Variants in DHX36 observed in about 807,000 individuals in gnomAD.
DHX36 encodes DEAH-box helicase 36.
In DHX36, 50 loss-of-function variants were observed where a neutral mutation model predicts 139.0. That is an observed-to-expected ratio of 0.36 (90% CI 0.29 to 0.46). The LOEUF (loss-of-function observed/expected upper bound fraction) is 0.46, where lower values mean the gene tolerates loss of function less well. Ranked by LOEUF, DHX36 falls within the 20% of genes least tolerant of loss-of-function variation. The probability of loss-of-function intolerance (pLI) is 1.00; values close to 1 mark genes in which losing one functional copy is unlikely to be tolerated. For synonymous variants in DHX36, 425 were observed against 401.9 expected (o/e 1.06, Z -0.69); for missense variants, 1,024 against 1,211.3 (o/e 0.85, Z 2.29).
chr3:154,277,011 A>T, intron 23 of DHX36, 112 bp from the exon 24 acceptor site: 1 of 897,876 alleles, frequency 1.1e-6, no homozygotes. Context: ...CTAAAATATT[A>T]ACCTTCTATT....
At chr3:154,290,545 A>C (rs1711749298) in intron 15 of DHX36, among the ~76,000 whole-genome samples, 1 of 149,348 alleles carries the variant, frequency 6.7e-6, no homozygotes, top group African/African-American at 2.5e-5. Context: ...CTGAGGCAGG[A>C]GGATCACTTG....
chr3:154,312,163 C>T (rs1374143457), intron 3 of DHX36: 2 of 152,064 alleles, frequency 1.3e-5, no homozygotes, highest in African/African-American at 4.8e-5. Context: ...TCTGGTACTG[C>T]CATTTTAGAG....
intron 18 of DHX36, 29 bp downstream of exon 18, chr3:154,284,785 T>C: frequency 6.2e-7 from 1 of 1,610,202 alleles, no homozygotes. Flanking sequence ...ACATCTAAAA[T>C]AACTCGGTTT....
At chr3:154,302,509 A>T (rs953926460) in intron 9 of DHX36, among the ~76,000 whole-genome samples, 2 of 152,208 alleles carry the variant, frequency 1.3e-5, no homozygotes, top group African/African-American at 2.4e-5. Flanking sequence ...GTACTAGAAT[A>T]CTATTGAGCA....
Position 154,295,358 on chromosome 3 carries a change from T to A in DHX36, c.1550-19A>T. On this transcript the variant is annotated intron_variant, in intron 12 of 24. Coordinates refer to ENST00000496811, the MANE Select transcript of DHX36 (RefSeq NM_020865.3). The stretch of plus-strand genomic sequence containing the variant: ...AATTTATCTGAAAATTAAAGAGAAT[T>A]AAATTTTAAGATAAAGAGTTGCAGA... 7.3e-7 allele frequency: 1 copy of A among 1,377,312 alleles called. No homozygotes were observed. Among genetic ancestry groups the A allele is most frequent in the Non-Finnish European group, 1.0e-6 (1 of 1,001,706 alleles). 85.3% of individuals were successfully genotyped at this position (1,377,312 alleles called of 1,614,324 possible).
intron 11 of DHX36, among the ~76,000 whole-genome samples, chr3:154,300,293 C>T (rs56271381): frequency 0.011 from 1,724 of 152,240 alleles, 30 homozygotes; most frequent in African/African-American, 0.04. Context: ...GTCTCGAACT[C>T]CTGGCCTCAA....
rs1260348335 is a variant in DHX36, at chr3:154,276,186, A to G, written c.3012T>C (p.Asp1004=). 6.2e-7 allele frequency: 1 copy of G among 1,612,196 alleles called. No homozygotes were observed. The highest frequency in any genetic ancestry group is 1.7e-5 in the Admixed American group (1 of 59,638). Residue 1004 remains aspartate (D), a synonymous_variant, in exon 25 of 25, where the codon GAT becomes GAC. Transcript: ENST00000496811. Reference sequence around the variant, plus strand: ...TGAAAAGCTGTCAGCTGTAATATCCATCCTGGAATCGTGGCGGAAAGTTCC... The same window carrying G: ...TGAAAAGCTGTCAGCTGTAATATCCGTCCTGGAATCGTGGCGGAAAGTTCC... ...TPRNFPPRFQ[D]GYYS
chr3:154,309,681 G>A lies in DHX36; in HGVS notation c.785C>T (p.Thr262Ile). Reference protein sequence around the residue: ...GKGSACRIVCTQPRRISAISV... With the variant: ...GKGSACRIVCIQPRRISAISV... ...AATGGCACTAATTCTTCTTGGCTGA[G>A]TACAAACTATTCTGCAAGCAGATCC... Residue 262 changes from threonine to isoleucine, a missense_variant, in exon 5 of 25, where the codon ACT becomes ATT. Thr to Ile is a moderately conservative substitution (Grantham distance 89). Coordinates refer to ENST00000496811, the MANE Select transcript of DHX36 (RefSeq NM_020865.3). The A allele has an allele frequency of 6.2e-7, 1 of 1,610,452 alleles. No individual in the cohort carries two copies. The highest frequency in any genetic ancestry group is 8.5e-7 in the Non-Finnish European group (1 of 1,179,004).
At chr3:154,317,837 A>C (rs355776) in intron 1 of DHX36, among the ~76,000 whole-genome samples, 1 of 141,708 alleles carries the variant, frequency 7.1e-6, no homozygotes, top group Admixed American at 7.4e-5. Flanking sequence ...TCAATTGTTT[A>C]TTTTTTATAG....
chr3:154,299,982 G>C lies in DHX36; in HGVS notation c.1462-57C>G, dbSNP rs994639837. 6 of 1,152,830 alleles carry C rather than the reference G, an allele frequency of 5.2e-6. No individual in the cohort carries two copies. In the Admixed American group the frequency reaches 1.0e-4, roughly 20 times the overall value. 71.4% of individuals were successfully genotyped at this position (1,152,830 alleles called of 1,614,324 possible). On this transcript the variant is annotated intron_variant, in intron 11 of 24. Coordinates refer to ENST00000496811, the MANE Select transcript of DHX36 (RefSeq NM_020865.3). The stretch of plus-strand genomic sequence containing the variant: ...ATCACATCAACAAAATGCAGTAACA[G>C]TAAAATTGTGTGCACACTGAAGTCT...
chr3:154,301,242 T>A, intron 9 of DHX36, 115 bp from the exon 10 acceptor site: 1 of 1,056,574 alleles, frequency 9.5e-7, no homozygotes, highest in Non-Finnish European at 1.3e-6. Context: ...ACATTTTCAT[T>A]ATGCTTTCAA....
At chr3:154,301,585 C>T (rs914396973) in intron 9 of DHX36, among the ~76,000 whole-genome samples, 3 of 152,052 alleles carry the variant, frequency 2.0e-5, no homozygotes, top group Non-Finnish European at 4.4e-5. Context: ...TAATTAGTGC[C>T]TGCAGGAGAT....
chr3:154,321,283 CT>C (rs1713176041), intron 1 of DHX36, among the ~76,000 whole-genome samples: 1 of 152,222 alleles, frequency 6.6e-6, no homozygotes, highest in Non-Finnish European at 1.5e-5. Flanking sequence ...ATGTTCTTAT[CT>C]TTTACAGTTT....
Position 154,314,937 on chromosome 3 carries a change from T to G in DHX36, c.603+109A>C. On this transcript the variant is annotated intron_variant, in intron 3 of 24. Coordinates refer to ENST00000496811, the MANE Select transcript of DHX36 (RefSeq NM_020865.3). ...GAAATTAATTCCCACAGGGATGTCT[T>G]GTTGAGGATCTCACTGATCTATGCC... 3 of 729,448 alleles carry G rather than the reference T, an allele frequency of 4.1e-6. No homozygotes were observed. The East Asian group carries it at 8.1e-5, about 20-fold the overall frequency. 45.2% of individuals were successfully genotyped at this position (729,448 alleles called of 1,614,324 possible).
intron 5 of DHX36, among the ~76,000 whole-genome samples, chr3:154,307,916 T>C (rs531435800): frequency 6.6e-6 from 1 of 152,224 alleles, no homozygotes; most frequent in Non-Finnish European, 1.5e-5. Flanking sequence ...GTGGTGTATA[T>C]ATACACCACA....
Position 154,313,604 on chromosome 3 carries a change from CAGG to C in DHX36, c.603+1439_603+1441del, listed in dbSNP as rs776583428. Among the ~76,000 whole-genome samples the C allele has an allele frequency of 5.3e-5, 8 of 152,222 alleles. No individual in the cohort carries two copies. The East Asian group carries it at 1.5e-3, about 29-fold the overall frequency. On this transcript the variant is annotated intron_variant, in intron 3 of 24. Transcript: ENST00000496811. ...CTAAGGTGGAAGGATCACTTGAGCC[CAGG>C]AGGTCGAGGCTGCAGTGAGCCATGA...
In DHX36 at chr3:154,304,854, T is replaced by C. The variant is rs142114460; in HGVS notation, c.1087A>G (p.Ile363Val). Reference protein sequence around the residue: ...LLNFRSDLKVILMSATLNAEK... With the variant: ...LLNFRSDLKVVLMSATLNAEK... ...GCATTCAATGTTGCACTCATCAATATTACTTTCAAGTCAGATCGAAAATTG... is the reference window on the plus strand; with the variant it reads ...GCATTCAATGTTGCACTCATCAATACTACTTTCAAGTCAGATCGAAAATTG... The change falls in exon 8 of 25, where the codon ATA becomes GTA. Residue 363 changes from isoleucine to valine, a missense_variant. Ile to Val is a conservative substitution (Grantham distance 29, BLOSUM62 3). Around this residue, in one of 4 missense-constraint regions of DHX36, gnomAD observed 146 missense variants for 215.0 expected, o/e 0.68. Coordinates refer to ENST00000496811, the MANE Select transcript of DHX36 (RefSeq NM_020865.3). 32 of 1,607,130 alleles carry C rather than the reference T, an allele frequency of 2.0e-5. No homozygotes were observed. The highest frequency in any genetic ancestry group is 1.5e-4 in the African/African-American group (11 of 74,484).
At chr3:154,289,940 C>T in intron 15 of DHX36, 114 bp from the exon 16 acceptor site, 3 of 611,404 alleles carry the variant, frequency 4.9e-6, no homozygotes, top group East Asian at 2.7e-5. Flanking sequence ...TCTTACATGC[C>T]ACATAATAGC....
chr3:154,288,341 C>T (rs1431784422), intron 17 of DHX36, among the ~76,000 whole-genome samples: 1 of 151,174 alleles, frequency 6.6e-6, no homozygotes, highest in Non-Finnish European at 1.5e-5. Context: ...TATGAAGATG[C>T]ATACTTGTAA....
Sources: allele counts gnomAD v4.1 joint callset (sites outside exome capture counted in the v4.1 genomes callset), GRCh38; gene constraint gnomAD v4.1.1; regional missense constraint gnomAD v4.1.1; transcripts MANE v1.5; gene names NCBI Gene and HGNC (gene_info 2026-07-23, HGNC 2026-07-21).